The following ASPSCR1 variants were observed in gnomAD, a reference collection of about 807,000 sequenced individuals.
The protein encoded by ASPSCR1 is tether containing UBX domain for GLUT4.
A neutral mutation model predicts 68.9 loss-of-function variants in ASPSCR1; 55 were observed. The observed-to-expected ratio is 0.80, with a 90% CI of 0.64 to 1.00. The LOEUF (loss-of-function observed/expected upper bound fraction) is 1.00, where lower values mean the gene tolerates loss of function less well. Ranked by LOEUF, ASPSCR1 falls within the 50% of genes least tolerant of loss-of-function variation. ASPSCR1 has a pLI of 0.00. For synonymous variants in ASPSCR1, 352 were observed against 332.6 expected (o/e 1.06, Z -0.63); for missense variants, 765 against 762.2 (o/e 1.00, Z -0.04).
intron 4 of ASPSCR1, among the ~76,000 whole-genome samples, chr17:81,991,467 C>A (rs541749394): frequency 6.6e-6 from 1 of 152,292 alleles, no homozygotes; most frequent in African/African-American, 2.4e-5. Flanking sequence ...AGGGCTCTGC[C>A]AGGTGGAGCA....
chr17:82,015,305 T>C (rs779663245), intron 12 of ASPSCR1: 1 of 1,598,134 alleles, frequency 6.3e-7, no homozygotes, highest in Admixed American at 1.7e-5. Flanking sequence ...GTCCGAGCAG[T>C]GGCGATCCCT....
rs1319322553 is a variant in ASPSCR1, at chr17:81,996,748, C to T, written c.835C>T (p.Pro279Ser). The change falls in exon 7 of 16, where the codon CCC (proline) becomes TCC (serine). Residue 279 changes from proline to serine, a missense_variant. Pro to Ser is a moderately conservative substitution (Grantham distance 74). Transcript: ENST00000306739. Reference protein sequence around the residue: ...LPKSLSSPGGPSKPKKSKSGQ... With the variant: ...LPKSLSSPGGSSKPKKSKSGQ... ...GAAGTCCCTCTCCAGCCCTGGAGGC[C>T]CCTCCAAGCCAAAGAAGTCCAAGTC... is the stretch of plus-strand genomic sequence containing the variant. 1.9e-6 allele frequency: 3 copies of T among 1,613,232 alleles called. No individual in the cohort carries two copies. The highest frequency in any genetic ancestry group is 2.2e-5 in the East Asian group (1 of 44,876).
intron 2 of ASPSCR1, among the ~76,000 whole-genome samples, chr17:81,981,640 A>G (rs747601472): frequency 1.3e-5 from 2 of 151,812 alleles, no homozygotes; most frequent in African/African-American, 4.8e-5. Context: ...TGGTCTTCCA[A>G]AGTGTTGGGA....
At chr17:82,007,963 T>G (rs2042778168) in intron 7 of ASPSCR1, 1 of 152,250 alleles carries the variant, frequency 6.6e-6, no homozygotes, top group African/African-American at 2.4e-5. Flanking sequence ...TGGTCAGCCC[T>G]CACTGGCTGC....
Sources: allele counts gnomAD v4.1 joint callset (sites outside exome capture counted in the v4.1 genomes callset), GRCh38; gene constraint gnomAD v4.1.1; transcripts MANE v1.5; gene names NCBI Gene and HGNC (gene_info 2026-07-23, HGNC 2026-07-21).